CDH13: variants seen among roughly 807,000 people sequenced by gnomAD.
CDH13 encodes cadherin-13.
Under a neutral mutation model 63.8 loss-of-function variants are expected in CDH13, and 24 were observed. That is an observed-to-expected ratio of 0.38 (90% CI 0.27 to 0.53). The LOEUF (loss-of-function observed/expected upper bound fraction) is 0.53, where lower values mean the gene tolerates loss of function less well. Among genes scored for constraint, CDH13 ranks in the 20% least tolerant of loss-of-function variants. CDH13 has a pLI of 0.85. For missense variants in CDH13, 1,049 were observed against 903.1 expected (o/e 1.16, Z -2.07); for synonymous variants, 503 against 355.3 (o/e 1.42, Z -4.67).
At chr16:82,852,593 C>G (rs2039536871) in intron 1 of CDH13, among the ~76,000 whole-genome samples, 1 of 152,160 alleles carries the variant, frequency 6.6e-6, no homozygotes, top group South Asian at 2.1e-4. Context: ...AGCACCATGT[C>G]CTATTGTGAG....
At chr16:82,867,109 T>C (rs532115189) in intron 2 of CDH13, among the ~76,000 whole-genome samples, 47 of 152,284 alleles carry the variant, frequency 3.1e-4, no homozygotes, top group African/African-American at 9.1e-4. Flanking sequence ...CAACAGCTCT[T>C]AGGGGAAAGG....
intron 1 of CDH13, among the ~76,000 whole-genome samples, chr16:82,712,475 C>T (rs554345510): frequency 4.6e-5 from 7 of 152,230 alleles, no homozygotes; most frequent in African/African-American, 1.4e-4. Context: ...TAAATCGTGC[C>T]TGATAACCTA....
At chr16:83,137,460 G>T (rs1214405989) in intron 4 of CDH13, among the ~76,000 whole-genome samples, 9 of 152,190 alleles carry the variant, frequency 5.9e-5, no homozygotes, top group Non-Finnish European at 1.3e-4. Context: ...GCTGAGTCAG[G>T]GCCGGAGGTC....
chr16:83,386,038 T>C (rs1044201409), intron 6 of CDH13, among the ~76,000 whole-genome samples: 10 of 152,214 alleles, frequency 6.6e-5, no homozygotes, highest in African/African-American at 2.4e-4. Context: ...CACTTCAATG[T>C]TCTCCATCTC....
intron 3 of CDH13, among the ~76,000 whole-genome samples, chr16:83,095,953 C>T (rs746783973): frequency 5.3e-5 from 8 of 152,170 alleles, no homozygotes; most frequent in Non-Finnish European, 1.0e-4. Context: ...TCAAGTTCAC[C>T]GGAAGGCAGA....
intron 10 of CDH13, among the ~76,000 whole-genome samples, chr16:83,695,364 T>C (rs1261193905): frequency 6.6e-6 from 1 of 152,242 alleles, no homozygotes; most frequent in Non-Finnish European, 1.5e-5. Flanking sequence ...GGCCCATTTC[T>C]TCTTCTGTAA....
intron 2 of CDH13, among the ~76,000 whole-genome samples, chr16:82,940,187 C>T (rs1247067180): frequency 6.6e-6 from 1 of 152,110 alleles, no homozygotes; most frequent in African/African-American, 2.4e-5. Context: ...GCAGCCAAAC[C>T]ATATCAGTAG....
chr16:83,601,932 A>C (rs1205761047), intron 7 of CDH13, among the ~76,000 whole-genome samples: 1 of 151,912 alleles, frequency 6.6e-6, no homozygotes, highest in African/African-American at 2.4e-5. Context: ...GTCCCTACTA[A>C]AAGTACAAAT....
At chr16:83,096,539 A>T (rs568512505) in intron 3 of CDH13, among the ~76,000 whole-genome samples, 2 of 152,214 alleles carry the variant, frequency 1.3e-5, no homozygotes, top group Admixed American at 1.3e-4. Flanking sequence ...TGAGTATTTT[A>T]TTGCCACCAC....
intron 1 of CDH13, among the ~76,000 whole-genome samples, chr16:82,733,374 A>G (rs16958373): frequency 0.062 from 9,337 of 151,388 alleles, 304 homozygotes; most frequent in Non-Finnish European, 0.07. Flanking sequence ...TTGCTATGTA[A>G]AAAAAAATCA....
chr16:82,772,419 A>T (rs544502407), intron 1 of CDH13, among the ~76,000 whole-genome samples: 1 of 152,266 alleles, frequency 6.6e-6, no homozygotes, highest in South Asian at 2.1e-4. Context: ...TATGGTAGGA[A>T]ACCTGCCCCT....
chr16:83,264,427 A>G (rs1023833666), intron 5 of CDH13, among the ~76,000 whole-genome samples: 1 of 152,108 alleles, frequency 6.6e-6, no homozygotes, highest in South Asian at 2.1e-4. Flanking sequence ...ATATGTAGAA[A>G]TATATATACT....
intron 5 of CDH13, among the ~76,000 whole-genome samples, chr16:83,251,201 A>G (rs939866242): frequency 6.6e-6 from 1 of 152,204 alleles, no homozygotes; most frequent in Non-Finnish European, 1.5e-5. Flanking sequence ...GGTAAAGGGT[A>G]TATAGGATCT....
chr16:83,074,706 C>A (rs1442536573), intron 3 of CDH13, among the ~76,000 whole-genome samples: 2 of 152,150 alleles, frequency 1.3e-5, no homozygotes, highest in Admixed American at 6.5e-5. Flanking sequence ...GTCTTTGGAG[C>A]CTTCCTTCAT....
chr16:83,411,600 C>G (rs1294346491), intron 6 of CDH13, among the ~76,000 whole-genome samples: 2 of 152,154 alleles, frequency 1.3e-5, no homozygotes, highest in Admixed American at 6.5e-5. Flanking sequence ...ACAGCACATG[C>G]TACTTTTAAT....
intron 6 of CDH13, among the ~76,000 whole-genome samples, chr16:83,426,671 G>T (rs182469343): frequency 1.3e-5 from 2 of 152,078 alleles, no homozygotes; most frequent in Non-Finnish European, 2.9e-5. Context: ...ATCATAGTCT[G>T]CCTACATGGT....
intron 9 of CDH13, 136 bp downstream of exon 9, chr16:83,671,108 A>C (rs1458897502): frequency 4.0e-6 from 3 of 758,452 alleles, no homozygotes; most frequent in Non-Finnish European, 6.4e-6. Flanking sequence ...TAACAAAGGA[A>C]AAGGCTCATG....
intron 3 of CDH13, among the ~76,000 whole-genome samples, chr16:83,075,745 A>T (rs1196275045): frequency 3.3e-5 from 5 of 152,202 alleles, no homozygotes; most frequent in African/African-American, 1.2e-4. Flanking sequence ...GCTTGGGAAT[A>T]CTTTGACTTG....
At chr16:82,980,968 A>G (rs1910183238) in intron 2 of CDH13, among the ~76,000 whole-genome samples, 1 of 152,152 alleles carries the variant, frequency 6.6e-6, no homozygotes, top group South Asian at 2.1e-4. Flanking sequence ...AGGACAAAAC[A>G]TGCTGCTGCT....
Sources: gnomAD v4.1 joint callset for allele counts (sites outside exome capture counted in the v4.1 genomes callset) on GRCh38, gnomAD v4.1.1 for gene constraint, MANE v1.5 for transcripts, NCBI Gene and HGNC (gene_info 2026-07-23, HGNC 2026-07-21) for gene names.